Variants in TRHDE observed in about 807,000 individuals in gnomAD.
TRHDE encodes thyrotropin-releasing hormone-degrading ectoenzyme.
TRHDE carries 72 observed loss-of-function variants against 125.7 expected under a neutral mutation model. The ratio of observed to expected loss-of-function variants is 0.57; its 90% CI spans 0.47 to 0.70. The LOEUF is 0.70. Ranked by LOEUF, TRHDE falls within the 30% of genes least tolerant of loss-of-function variation. TRHDE has a pLI of 0.00. For synonymous variants in TRHDE, 509 were observed against 509.1 expected (o/e 1.00, Z 0.00); for missense variants, 1,110 against 1,327.1 (o/e 0.84, Z 2.54).
chr12:72,416,377 C>T (rs1009878704), intron 3 of TRHDE, among the ~76,000 whole-genome samples: 2 of 151,980 alleles, frequency 1.3e-5, no homozygotes, highest in Non-Finnish European at 2.9e-5. Flanking sequence ...CTTTGCTGTG[C>T]AGAAGCTTTT....
intron 9 of TRHDE, among the ~76,000 whole-genome samples, chr12:72,565,588 G>A (rs965221404): frequency 2.0e-5 from 3 of 152,088 alleles, no homozygotes; most frequent in East Asian, 3.9e-4. Context: ...GCTTCTCAGC[G>A]TTCTTTGCTG....
At chr12:72,216,875 G>A (rs1028954269) in intron 2 of TRHDE, among the ~76,000 whole-genome samples, 2 of 151,702 alleles carry the variant, frequency 1.3e-5, no homozygotes, top group African/African-American at 2.4e-5. Context: ...TTCGAATTTC[G>A]TTTTAATGGT....
At chr12:72,652,702 T>C (rs2136110314) in intron 16 of TRHDE, among the ~76,000 whole-genome samples, 1 of 151,638 alleles carries the variant, frequency 6.6e-6, no homozygotes, top group East Asian at 1.9e-4. Context: ...AATTTATATA[T>C]GTTTAAGAAG....
At chr12:72,651,438 G>A (rs1874500597) in intron 15 of TRHDE, among the ~76,000 whole-genome samples, 1 of 151,906 alleles carries the variant, frequency 6.6e-6, no homozygotes, top group Non-Finnish European at 1.5e-5. Flanking sequence ...TCCAGAGAAA[G>A]CAGTATATTA....
chr12:72,162,806 A>G (rs1876663346), intron 2 of TRHDE, among the ~76,000 whole-genome samples: 1 of 152,120 alleles, frequency 6.6e-6, no homozygotes, highest in Non-Finnish European at 1.5e-5. Flanking sequence ...ACTTCTGGTT[A>G]TCTGAAATGC....
At chr12:72,525,936 AT>A (rs35107968) in intron 6 of TRHDE, among the ~76,000 whole-genome samples, 1 of 151,780 alleles carries the variant, frequency 6.6e-6, no homozygotes, top group South Asian at 2.1e-4. Flanking sequence ...TGTTTCAGTC[AT>A]TTTTTTCCCC....
At chr12:72,285,010 C>A (rs147052528) in intron 1 of TRHDE, among the ~76,000 whole-genome samples, 1 of 152,116 alleles carries the variant, frequency 6.6e-6, no homozygotes, top group Non-Finnish European at 1.5e-5. Context: ...AGATAACTCT[C>A]GAAAACCTTG....
chr12:72,663,869 T>C lies in TRHDE; in HGVS notation c.*674T>C, dbSNP rs1174873843. The C allele has an allele frequency of 1.3e-5, 2 of 152,124 alleles. No individual in the cohort carries two copies. Among genetic ancestry groups the C allele is most frequent in the African/African-American group, 4.8e-5 (2 of 41,440 alleles). The allele number at this position is 152,124 out of a possible 1,614,324, so 9.4% of individuals were successfully genotyped here. ...AAAAGGCATATAGATAGTGTATGCATATGTATATGTACATAGGGAAGCCCC... is the reference window on the plus strand; with the variant it reads ...AAAAGGCATATAGATAGTGTATGCACATGTATATGTACATAGGGAAGCCCC... On this transcript the variant is annotated 3_prime_UTR_variant, in exon 19 of 19. Coordinates refer to ENST00000261180, the MANE Select transcript of TRHDE (RefSeq NM_013381.3).
At chr12:72,359,757 T>A (rs2135749638) in intron 2 of TRHDE, among the ~76,000 whole-genome samples, 1 of 151,784 alleles carries the variant, frequency 6.6e-6, no homozygotes, top group African/African-American at 2.4e-5. Flanking sequence ...ACATTTACAA[T>A]AAGACTTTGT....
chr12:72,380,071 T>C (rs1442699539), intron 3 of TRHDE, among the ~76,000 whole-genome samples: 7 of 152,222 alleles, frequency 4.6e-5, no homozygotes, highest in Non-Finnish European at 7.3e-5. Flanking sequence ...GAAACCAGCT[T>C]AGTATTTGCT....
chr12:72,620,316 A>T (rs1204019099), intron 13 of TRHDE, among the ~76,000 whole-genome samples: 1 of 135,214 alleles, frequency 7.4e-6, no homozygotes, highest in African/African-American at 3.5e-5. Context: ...CAACCTGGGC[A>T]ACATGGTGAA....
chr12:72,653,059 G>C lies in TRHDE; in HGVS notation c.2887G>C (p.Asp963His). 1 of 1,607,412 alleles carries C rather than the reference G, an allele frequency of 6.2e-7. No homozygotes were observed. The highest frequency in any genetic ancestry group is 8.5e-7 in the Non-Finnish European group (1 of 1,176,130). ...SLNSEVVLDQ[D>H]AIDVIIHVAR... ...GAATTCTGAGGTGGTGCTGGATCAA[G>C]ATGCAATTGATGTCATAATCCATGT... Residue 963 changes from aspartate to histidine, a missense_variant, in exon 17 of 19, where the codon GAT becomes CAT. Asp to His is a moderately conservative substitution (Grantham distance 81). Transcript: ENST00000261180.
intron 2 of TRHDE, among the ~76,000 whole-genome samples, chr12:72,288,704 G>C (rs779686594): frequency 1.2e-4 from 18 of 152,084 alleles, no homozygotes; most frequent in Non-Finnish European, 2.5e-4. Context: ...TCTTAAAAGT[G>C]TTTTCAGCCC....
intron 15 of TRHDE, among the ~76,000 whole-genome samples, chr12:72,642,055 G>A (rs1474800350): frequency 6.6e-6 from 1 of 152,188 alleles, no homozygotes. Flanking sequence ...AATGCAAGAA[G>A]TCAGCAGTCT....
At chr12:72,320,513 G>A (rs918900877) in intron 2 of TRHDE, among the ~76,000 whole-genome samples, 4 of 149,928 alleles carry the variant, frequency 2.7e-5, no homozygotes, top group African/African-American at 7.3e-5. Flanking sequence ...TGAATCTTCA[G>A]ATGTAGAACC....
At chr12:72,193,970 G>A (rs1394605304) in intron 2 of TRHDE, among the ~76,000 whole-genome samples, 1 of 152,064 alleles carries the variant, frequency 6.6e-6, no homozygotes, top group East Asian at 1.9e-4. Context: ...ACTGGTGGAA[G>A]TATGAGGGAG....
intron 2 of TRHDE, chr12:72,258,385 G>A (rs1434113514): frequency 6.6e-6 from 1 of 152,030 alleles, no homozygotes; most frequent in East Asian, 1.9e-4. Flanking sequence ...TGAAAAAACT[G>A]ATTGGTTGAT....
At chr12:72,543,296 C>A (rs1869244431) in intron 7 of TRHDE, among the ~76,000 whole-genome samples, 1 of 151,472 alleles carries the variant, frequency 6.6e-6, no homozygotes, top group African/African-American at 2.4e-5. Context: ...AACTCTCTCT[C>A]TATACTTAAC....
chr12:72,301,226 C>G (rs1485158035), intron 2 of TRHDE, among the ~76,000 whole-genome samples: 1 of 152,074 alleles, frequency 6.6e-6, no homozygotes, highest in East Asian at 1.9e-4. Flanking sequence ...AGAATTAATG[C>G]AGAAGTGTCT....
Sources: allele counts gnomAD v4.1 joint callset (sites outside exome capture counted in the v4.1 genomes callset), GRCh38; gene constraint gnomAD v4.1.1; transcripts MANE v1.5; gene names NCBI Gene and HGNC (gene_info 2026-07-23, HGNC 2026-07-21).